Variants in PTPN20 observed in about 807,000 individuals in gnomAD.
PTPN20 encodes the protein tyrosine-protein phosphatase non-receptor type 20.
PTPN20 carries 9 observed loss-of-function variants against 35.0 expected under a neutral mutation model. The observed-to-expected ratio is 0.26, with a 90% CI of 0.15 to 0.45. The LOEUF is 0.45. Among genes scored for constraint, PTPN20 ranks in the 20% least tolerant of loss-of-function variants. The pLI, the probability that PTPN20 is intolerant of heterozygous loss-of-function variation, is 1.00. For missense variants in PTPN20, 111 were observed against 312.5 expected, an observed-to-expected ratio of 0.36 and a Z score of 4.86; for synonymous variants, 32 against 100.2, an observed-to-expected ratio of 0.32 and a Z score of 4.06.
chr10:46,945,049 G>A (rs1336183931), intron 4 of PTPN20, among the ~76,000 whole-genome samples: 1 of 141,080 alleles, frequency 7.1e-6, no homozygotes, highest in Non-Finnish European at 1.5e-5. Context: ...TTGAGCGAGG[G>A]TAAGGAGTTG....
rs2038866250 is a variant in PTPN20, at chr10:46,929,494, G to T, written c.-123-2883G>T. ...TGCCTATCACTCAAGTGGTACCTCT[G>T]TGACTTCTCAGAGTTCTTGATGTGG... On this transcript the variant is annotated intron_variant, in intron 1 of 10. Coordinates refer to ENST00000374339, the MANE Select transcript of PTPN20 (RefSeq NM_001042357.5). Among the ~76,000 whole-genome samples the T allele has an allele frequency of 4.6e-5, 7 of 151,914 alleles. No homozygotes were observed. In the South Asian group the frequency reaches 1.5e-3, roughly 31 times the overall value.
intron 7 of PTPN20, among the ~76,000 whole-genome samples, chr10:46,975,292 TATAG>T (rs1185542871): frequency 2.6e-4 from 25 of 97,090 alleles, no homozygotes; most frequent in African/African-American, 9.7e-4. Context: ...AGCATTATAA[TATAG>T]ATAGATGGGA....
intron 9 of PTPN20, among the ~76,000 whole-genome samples, chr10:46,990,363 A>G (rs1224138654): frequency 3.9e-5 from 4 of 102,702 alleles, no homozygotes; most frequent in Non-Finnish European, 7.5e-5. Context: ...ACAGAGCGAG[A>G]CTCCATCTCA....
chr10:46,996,002 G>T (rs2059041220), intron 9 of PTPN20, among the ~76,000 whole-genome samples: 1 of 152,292 alleles, frequency 6.6e-6, no homozygotes. Flanking sequence ...GTAAAGAAGT[G>T]AAGCCAGCTT....
intron 5 of PTPN20, among the ~76,000 whole-genome samples, chr10:46,957,813 CT>C (rs1170466700): frequency 1.7e-5 from 2 of 118,064 alleles, no homozygotes; most frequent in Non-Finnish European, 3.4e-5. Flanking sequence ...ATAAGCATGC[CT>C]TTTTTTCTGT....
At chr10:46,939,884 T>G (rs1208956851) in intron 2 of PTPN20, among the ~76,000 whole-genome samples, 1 of 152,028 alleles carries the variant, frequency 6.6e-6, no homozygotes, top group Non-Finnish European at 1.5e-5. Flanking sequence ...AGGAACACAC[T>G]TTTTCATTTC....
At chr10:46,995,444 G>A (rs1165269759) in intron 9 of PTPN20, among the ~76,000 whole-genome samples, 1 of 146,288 alleles carries the variant, frequency 6.8e-6, no homozygotes, top group Non-Finnish European at 1.5e-5. Flanking sequence ...TAAGAGAGCT[G>A]CTCATTCCAA....
intron 9 of PTPN20, among the ~76,000 whole-genome samples, chr10:46,997,907 C>T (rs2059425795): frequency 6.6e-6 from 1 of 152,004 alleles, no homozygotes; most frequent in African/African-American, 2.4e-5. Context: ...TGACAGCACC[C>T]CATGCTGATG....
chr10:46,990,988 TAA>T (rs2057834015), intron 9 of PTPN20, among the ~76,000 whole-genome samples: 1 of 38,524 alleles, frequency 2.6e-5, no homozygotes, highest in Non-Finnish European at 5.7e-5. Context: ...CTTTATTAAT[TAA>T]TTTTTCGCTT....
intron 9 of PTPN20, among the ~76,000 whole-genome samples, chr10:46,996,288 T>A (rs1440602111): frequency 1.3e-5 from 2 of 152,192 alleles, no homozygotes; most frequent in Admixed American, 1.3e-4. Flanking sequence ...TTCATTGCAG[T>A]CACTTCCATC....
In PTPN20 at chr10:46,983,665, AAC is replaced by A. The variant is rs3053334; in HGVS notation, c.584-563_584-562del. On this transcript the variant is annotated intron_variant, in intron 7 of 10. Coordinates refer to ENST00000374339, the MANE Select transcript of PTPN20 (RefSeq NM_001042357.5). Reference sequence around the variant, plus strand: ...TTGCCACAATATCTTTGCTTTGAATAACATGTCCTATCACCAGATGAAGGCTG... The same window carrying A: ...TTGCCACAATATCTTTGCTTTGAATAATGTCCTATCACCAGATGAAGGCTG... 5.2e-3 allele frequency among the ~76,000 whole-genome samples: 17 copies of A among 3,296 alleles called. 1 individual carries two copies. The highest frequency in any genetic ancestry group is 0.01 in the African/African-American group (11 of 1,080). 2.2% of individuals were successfully genotyped at this position (3,296 alleles called of 152,430 possible).
rs1317003755 is a variant in PTPN20, at chr10:46,935,989, G to T, written c.34+3456G>T. ...TTTTAATTTTTACTTTTTAATAATAGCCTTTCTGGCTTGTGTAAGATGGTA... is the reference window on the plus strand; with the variant it reads ...TTTTAATTTTTACTTTTTAATAATATCCTTTCTGGCTTGTGTAAGATGGTA... On this transcript the variant is annotated intron_variant, in intron 2 of 10. Coordinates refer to ENST00000374339, the MANE Select transcript of PTPN20 (RefSeq NM_001042357.5). Among the ~76,000 whole-genome samples the T allele has an allele frequency of 2.0e-5, 3 of 151,738 alleles. No homozygotes were observed. In the South Asian group the frequency reaches 6.3e-4, roughly 32 times the overall value.
intron 5 of PTPN20, among the ~76,000 whole-genome samples, chr10:46,947,338 A>G (rs1364980398): frequency 6.7e-6 from 1 of 150,304 alleles, no homozygotes; most frequent in African/African-American, 2.5e-5. Flanking sequence ...CATCCCATCA[A>G]ATGTTGGAAA....
At chr10:46,949,444 T>C (rs1308658329) in intron 5 of PTPN20, among the ~76,000 whole-genome samples, 1 of 152,200 alleles carries the variant, frequency 6.6e-6, no homozygotes, top group African/African-American at 2.4e-5. Context: ...AGGGAGCCAG[T>C]GTTCATGTCC....
intron 5 of PTPN20, among the ~76,000 whole-genome samples, chr10:46,948,744 T>G (rs1230473692): frequency 6.6e-6 from 1 of 151,926 alleles, no homozygotes; most frequent in Non-Finnish European, 1.5e-5. Flanking sequence ...AGTAGACTGG[T>G]GCTTGCGTGC....
intron 9 of PTPN20, among the ~76,000 whole-genome samples, chr10:46,996,501 T>C (rs2059129928): frequency 6.6e-6 from 1 of 152,202 alleles, no homozygotes; most frequent in African/African-American, 2.4e-5. Flanking sequence ...GATGAGATTG[T>C]ATTTTATTAG....
chr10:46,983,568 C>G (rs1239487094), intron 7 of PTPN20, among the ~76,000 whole-genome samples: 1 of 135,472 alleles, frequency 7.4e-6, no homozygotes, highest in Non-Finnish European at 1.6e-5. Flanking sequence ...TTTTCCCTCT[C>G]ATATTTGTTA....
chr10:46,949,105 G>A (rs2045888505), intron 5 of PTPN20, among the ~76,000 whole-genome samples: 2 of 151,860 alleles, frequency 1.3e-5, no homozygotes, highest in Admixed American at 6.6e-5. Context: ...GCAGTGTAAG[G>A]CTTTTGTTCT....
chr10:46,949,169 C>G (rs2045916043), intron 5 of PTPN20, among the ~76,000 whole-genome samples: 1 of 152,104 alleles, frequency 6.6e-6, no homozygotes, highest in Non-Finnish European at 1.5e-5. Context: ...GACAGTGGCT[C>G]CCCTCCTCCA....
Sources: gnomAD v4.1 joint callset for allele counts (sites outside exome capture counted in the v4.1 genomes callset) on GRCh38, gnomAD v4.1.1 for gene constraint, MANE v1.5 for transcripts, NCBI Gene and HGNC (gene_info 2026-07-23, HGNC 2026-07-21) for gene names.